The following TMC5 variants were observed in gnomAD, a reference collection of about 807,000 sequenced individuals.
TMC5 encodes the protein transmembrane channel like 5.
Under a neutral mutation model 110.5 loss-of-function variants are expected in TMC5, and 86 were observed. The observed-to-expected ratio is 0.78, with a 90% CI of 0.65 to 0.93. The LOEUF is 0.93. Ranked by LOEUF, TMC5 falls within the 40% of genes least tolerant of loss-of-function variation. The pLI is 0.00. For missense variants in TMC5, 1,144 were observed against 1,222.8 expected, an observed-to-expected ratio of 0.94 and a Z score of 0.96; for synonymous variants, 455 against 439.5, an observed-to-expected ratio of 1.04 and a Z score of -0.44.
At chr16:19,473,306 A>G (rs1968392843) in intron 11 of TMC5, among the ~76,000 whole-genome samples, 1 of 132,592 alleles carries the variant, frequency 7.5e-6, no homozygotes, top group African/African-American at 2.8e-5. Flanking sequence ...AGATCGTGCC[A>G]CTGCACTCCA....
At chr16:19,434,106 ATT>A (rs1491530141) in intron 2 of TMC5, among the ~76,000 whole-genome samples, 1 of 23,758 alleles carries the variant, frequency 4.2e-5, no homozygotes, top group East Asian at 1.2e-3. Context: ...TAATATATAT[ATT>A]ATATATATAT....
intron 1 of TMC5, among the ~76,000 whole-genome samples, chr16:19,418,680 C>T (rs1449903347): frequency 6.7e-6 from 1 of 150,066 alleles, no homozygotes; most frequent in Non-Finnish European, 1.5e-5. Flanking sequence ...TCTCATCCTT[C>T]TCATTTTTCT....
chr16:19,460,318 G>A lies in TMC5; in HGVS notation c.1132G>A (p.Glu378Lys), dbSNP rs1271966968. 1.2e-6 allele frequency: 2 copies of A among 1,613,314 alleles called. No individual in the cohort carries two copies. Among genetic ancestry groups the A allele is most frequent in the South Asian group, 1.1e-5 (1 of 91,032 alleles). ...CAGGAACCAGCCAAGGACCATGGAA[G>A]AGAAAAGGAACCTTAGGTATGGACT... ...AIRNQPRTME[E>K]KRNLRKIVDK... Residue 378 changes from glutamate (E) to lysine (K), a missense_variant, in exon 6 of 22, where the codon GAG becomes AAG. Glu to Lys is a moderately conservative substitution (Grantham distance 56, BLOSUM62 1). Transcript: ENST00000542583.
chr16:19,472,921 C>G (rs995283734), intron 11 of TMC5, among the ~76,000 whole-genome samples: 3 of 152,156 alleles, frequency 2.0e-5, no homozygotes. Context: ...CAGATAAATT[C>G]ATTGGAATCC....
At chr16:19,478,448 C>G (rs2143681299) in intron 13 of TMC5, among the ~76,000 whole-genome samples, 1 of 152,320 alleles carries the variant, frequency 6.6e-6, no homozygotes, top group Non-Finnish European at 1.5e-5. Flanking sequence ...CCATATTCTT[C>G]TTCCATGCAT....
intron 15 of TMC5, among the ~76,000 whole-genome samples, chr16:19,482,129 G>A (rs757604181): frequency 1.2e-4 from 18 of 151,982 alleles, no homozygotes; most frequent in Admixed American, 2.0e-4. Flanking sequence ...GTGTGATTTC[G>A]GCTCACTGCA....
At position 19,466,237 on chromosome 16, in the gene TMC5, T is replaced by C; in HGVS notation, c.1637+4T>C. 3 of 1,613,370 alleles carry C rather than the reference T, an allele frequency of 1.9e-6. No individual in the cohort carries two copies. Among genetic ancestry groups the C allele is most frequent in the Non-Finnish European group, 2.5e-6 (3 of 1,179,742 alleles). On this transcript the variant is annotated splice_donor_region_variant and intron_variant, in intron 9 of 21. Coordinates refer to ENST00000542583, the MANE Select transcript of TMC5 (RefSeq NM_001261841.2). ...GCTTCTTCAGTTTGCTGTTCAGGTA[T>C]GGAAGCATCTACATTTCCTGATTCT...
rs1968424224 is a variant in TMC5 at position 19,474,182 on chromosome 16, T to G, written c.1996T>G (p.Cys666Gly). The G allele has an allele frequency of 6.2e-7, 1 of 1,614,048 alleles. No individual in the cohort carries two copies. Among genetic ancestry groups the G allele is most frequent in the Non-Finnish European group, 8.5e-7 (1 of 1,179,992 alleles). Residue 666 changes from cysteine (C) to glycine (G), a missense_variant, in exon 12 of 22, where the codon TGC (cysteine) becomes GGC (glycine). Coordinates refer to ENST00000542583, the MANE Select transcript of TMC5 (RefSeq NM_001261841.2). ...GCTGTTACTGCCTTTCGTTGTGTCC[T>G]GCATTAATCTGGCCGTGCCATGCAT... is the stretch of plus-strand genomic sequence containing the variant. ...AVLLLPFVVSCINLAVPCIYS... is the reference protein window; with the variant it reads ...AVLLLPFVVSGINLAVPCIYS...
intron 5 of TMC5, among the ~76,000 whole-genome samples, chr16:19,455,937 G>A (rs1261610446): frequency 6.6e-6 from 1 of 152,206 alleles, no homozygotes; most frequent in Non-Finnish European, 1.5e-5. Flanking sequence ...GCCAGGTGCT[G>A]TGTCTCACGC....
chr16:19,438,307 G>A (rs1261137266), intron 2 of TMC5, among the ~76,000 whole-genome samples: 4 of 145,486 alleles, frequency 2.7e-5, no homozygotes, highest in East Asian at 2.0e-4. Flanking sequence ...TGGGAGGATC[G>A]CTTGAGTCCC....
chr16:19,427,885 G>A (rs114892933), intron 1 of TMC5, among the ~76,000 whole-genome samples: 3,799 of 152,180 alleles, frequency 0.025, 143 homozygotes, highest in African/African-American at 0.085. Flanking sequence ...AAAGCCAGCC[G>A]CACACTGCGT....
rs894189559 is a variant in TMC5 at position 19,466,007 on chromosome 16, C to G, written c.1486-75C>G. The stretch of plus-strand genomic sequence containing the variant: ...CAGGCTTCTTGTATTCAGGAGAGGT[C>G]AACTCTCATGACCATAATCGTTTAC... On this transcript the variant is annotated intron_variant, in intron 8 of 21. Coordinates refer to ENST00000542583, the MANE Select transcript of TMC5 (RefSeq NM_001261841.2). 8.0e-6 allele frequency: 12 copies of G among 1,509,042 alleles called. No individual in the cohort carries two copies. The East Asian group carries it at 2.7e-4, about 34-fold the overall frequency. 93.5% of individuals were successfully genotyped at this position (1,509,042 alleles called of 1,614,324 possible).
intron 5 of TMC5, among the ~76,000 whole-genome samples, chr16:19,459,937 A>AAAAT (rs1269752615): frequency 7.3e-5 from 11 of 151,628 alleles, no homozygotes; most frequent in African/African-American, 2.7e-4. Flanking sequence ...AAAAAAAAAA[A>AAAAT]ATAGAAGAGG....
chr16:19,448,019 C>T (rs1967653174), intron 4 of TMC5, among the ~76,000 whole-genome samples: 1 of 151,798 alleles, frequency 6.6e-6, no homozygotes, highest in African/African-American at 2.4e-5. Context: ...TTAAAATGTG[C>T]TCCATTTTCT....
In TMC5 at chr16:19,472,103, C is replaced by A. The variant is rs1351357135; in HGVS notation, c.1798C>A (p.Leu600Ile). The A allele has an allele frequency of 1.2e-6, 2 of 1,613,982 alleles. No homozygotes were observed. The highest frequency in any genetic ancestry group is 1.7e-6 in the Non-Finnish European group (2 of 1,179,976). ...ATGTTTCTAGGAGAACCTGTCAGAG[C>A]TCCGTCAGGAGAATTCCAAGTTGAC... is the stretch of plus-strand genomic sequence containing the variant. ...STEIRENLSE[L>I]RQENSKLTFN... The change falls in exon 11 of 22, where the codon CTC becomes ATC. Residue 600 changes from leucine to isoleucine, a missense_variant. Transcript: ENST00000542583.
At chr16:19,423,148 T>C (rs945095872) in intron 1 of TMC5, among the ~76,000 whole-genome samples, 2 of 152,182 alleles carry the variant, frequency 1.3e-5, no homozygotes, top group African/African-American at 4.8e-5. Flanking sequence ...TTTTGTTTCA[T>C]TGTTTATAAT....
At chr16:19,415,216 T>G (rs993757809), upstream of TMC5, among the ~76,000 whole-genome samples, 8 of 152,192 alleles carry the variant, frequency 5.3e-5, no homozygotes, top group Non-Finnish European at 1.2e-4. Flanking sequence ...TGGTATAGTT[T>G]CTAGAAGAGG....
In TMC5 at chr16:19,463,112, A is replaced by G. The variant is rs1429454105; in HGVS notation, c.1149-168A>G. Among the ~76,000 whole-genome samples, 1 of 151,942 alleles carries G rather than the reference A, an allele frequency of 6.6e-6. No homozygotes were observed. Among genetic ancestry groups the G allele is most frequent in the Non-Finnish European group, 1.5e-5 (1 of 67,976 alleles). Reference sequence around the variant, plus strand: ...GTTAATTTTTTTCTTAATAGAGACAAGGTCCCACTATTTTGCTCAGGCTGG... The same window carrying G: ...GTTAATTTTTTTCTTAATAGAGACAGGGTCCCACTATTTTGCTCAGGCTGG... On this transcript the variant is annotated intron_variant, in intron 6 of 21. Transcript: ENST00000542583.
chr16:19,484,709 C>T (rs146559034), intron 15 of TMC5, among the ~76,000 whole-genome samples: 3 of 150,344 alleles, frequency 2.0e-5, no homozygotes, highest in East Asian at 2.0e-4. Flanking sequence ...TGTAGTGAGC[C>T]GAGATCATGC....
Sources: gnomAD v4.1 joint callset for allele counts (sites outside exome capture counted in the v4.1 genomes callset) on GRCh38, gnomAD v4.1.1 for gene constraint, MANE v1.5 for transcripts, NCBI Gene and HGNC (gene_info 2026-07-23, HGNC 2026-07-21) for gene names.